Variants in SCHIP1 observed in about 807,000 individuals in gnomAD.
SCHIP1 encodes the protein schwannomin-interacting protein 1.
Under a neutral mutation model 29.7 loss-of-function variants are expected in SCHIP1, and 8 were observed. The ratio of observed to expected loss-of-function variants is 0.27; its 90% CI spans 0.16 to 0.49. SCHIP1 has a LOEUF of 0.49. Ranked by LOEUF, SCHIP1 falls within the 20% of genes least tolerant of loss-of-function variation. The pLI is 0.99. For missense variants in SCHIP1, 193 were observed against 294.6 expected (o/e 0.66, Z 2.52); for synonymous variants, 76 against 94.9 (o/e 0.80, Z 1.16).
chr3:159,667,532 G>A, the SCHIP1 span, among the ~76,000 whole-genome samples: 2 of 152,224 alleles, frequency 1.3e-5, no homozygotes, highest in Admixed American at 1.3e-4. Flanking sequence ...GGTGTGCATG[G>A]TGGGTGACAG....
the SCHIP1 span, among the ~76,000 whole-genome samples, chr3:159,280,033 G>T: frequency 1.3e-5 from 2 of 152,156 alleles, no homozygotes; most frequent in Non-Finnish European, 2.9e-5. Context: ...TCAGGGAAGG[G>T]AATTTCTTCT....
the SCHIP1 span, among the ~76,000 whole-genome samples, chr3:159,615,670 G>A: frequency 6.6e-5 from 10 of 152,268 alleles, no homozygotes; most frequent in Admixed American, 1.3e-4. Flanking sequence ...CAGATGGTGT[G>A]GGGGTGAAGA....
the SCHIP1 span, among the ~76,000 whole-genome samples, chr3:159,826,760 G>T: frequency 6.6e-6 from 1 of 152,128 alleles, no homozygotes; most frequent in Non-Finnish European, 1.5e-5. Flanking sequence ...TAATAAAAAA[G>T]CCCCAGCACT....
chr3:159,289,333 A>C, the SCHIP1 span, among the ~76,000 whole-genome samples: 1 of 152,180 alleles, frequency 6.6e-6, no homozygotes, highest in East Asian at 1.9e-4. Context: ...CCAAAGTCCT[A>C]TGTGATCTGG....
chr3:159,535,275 T>G, the SCHIP1 span, among the ~76,000 whole-genome samples: 1 of 152,196 alleles, frequency 6.6e-6, no homozygotes, highest in Admixed American at 6.5e-5. Context: ...TCTCATTTTC[T>G]CCACTCATTC....
the SCHIP1 span, among the ~76,000 whole-genome samples, chr3:159,713,281 AAAG>A: frequency 2.0e-5 from 3 of 147,862 alleles, no homozygotes; most frequent in Admixed American, 1.4e-4. Context: ...AGAAAGAAAG[AAAG>A]AAAAAAGAAA....
the SCHIP1 span, among the ~76,000 whole-genome samples, chr3:159,551,203 T>C: frequency 4.6e-5 from 7 of 152,214 alleles, no homozygotes; most frequent in African/African-American, 1.7e-4. Flanking sequence ...GAACACCTGG[T>C]ATCCCATCAG....
intron 1 of SCHIP1, among the ~76,000 whole-genome samples, chr3:159,848,977 C>G (rs1712209370): frequency 6.6e-6 from 1 of 151,944 alleles, no homozygotes; most frequent in South Asian, 2.1e-4. Flanking sequence ...TGAGAACTGC[C>G]CTCAACTGCT....
the SCHIP1 span, among the ~76,000 whole-genome samples, chr3:159,728,016 TA>T: frequency 1.3e-5 from 2 of 150,412 alleles, no homozygotes; most frequent in East Asian, 1.9e-4. Context: ...TTTTTTTTTT[TA>T]AAAAGGCAAT....
the SCHIP1 span, among the ~76,000 whole-genome samples, chr3:159,751,747 A>T: frequency 2.6e-5 from 4 of 151,860 alleles, no homozygotes; most frequent in Admixed American, 2.6e-4. Context: ...GGGGTTTCAC[A>T]GTGTTAGCCA....
the SCHIP1 span, among the ~76,000 whole-genome samples, chr3:159,597,142 A>G: frequency 2.0e-5 from 3 of 152,126 alleles, no homozygotes; most frequent in Non-Finnish European, 2.9e-5. Flanking sequence ...CATGCATACC[A>G]TATAAATTGA....
the SCHIP1 span, among the ~76,000 whole-genome samples, chr3:159,666,032 G>C: frequency 6.6e-6 from 1 of 152,142 alleles, no homozygotes; most frequent in African/African-American, 2.4e-5. Context: ...CCAGAGCAGA[G>C]AGGAATACGT....
At chr3:159,821,258 GAA>G in the SCHIP1 span, among the ~76,000 whole-genome samples, 37 of 152,176 alleles carry the variant, frequency 2.4e-4, no homozygotes, top group East Asian at 1.7e-3. Context: ...AGGGGAGAGA[GAA>G]ATTGTAGACA....
the SCHIP1 span, among the ~76,000 whole-genome samples, chr3:159,416,904 G>T: frequency 6.6e-6 from 1 of 152,176 alleles, no homozygotes; most frequent in Non-Finnish European, 1.5e-5. Flanking sequence ...TAGTTCTGTT[G>T]CTCCGTCAAG....
chr3:159,377,285 C>T, the SCHIP1 span, among the ~76,000 whole-genome samples: 872 of 152,262 alleles, frequency 5.7e-3, 28 homozygotes, highest in Admixed American at 0.054. Flanking sequence ...ACCAAGGAGC[C>T]CAGTGTCTGA....
intron 2 of SCHIP1, among the ~76,000 whole-genome samples, chr3:159,876,640 T>C (rs1242309417): frequency 6.6e-6 from 1 of 152,224 alleles, no homozygotes; most frequent in Non-Finnish European, 1.5e-5. Flanking sequence ...ATTTAAACGG[T>C]GACACATGCC....
the SCHIP1 span, among the ~76,000 whole-genome samples, chr3:159,408,468 A>G: frequency 1.3e-5 from 2 of 152,082 alleles, no homozygotes; most frequent in South Asian, 4.1e-4. Context: ...ATTTTTTAAA[A>G]TCAGTGATGA....
chr3:159,560,778 A>T, the SCHIP1 span, among the ~76,000 whole-genome samples: 1 of 151,444 alleles, frequency 6.6e-6, no homozygotes, highest in Admixed American at 6.6e-5. Context: ...AGCTGTGCTC[A>T]CAATACTGAG....
At chr3:159,289,000 C>T in the SCHIP1 span, among the ~76,000 whole-genome samples, 1 of 152,170 alleles carries the variant, frequency 6.6e-6, no homozygotes, top group African/African-American at 2.4e-5. Context: ...TTCTTTCCTC[C>T]CTTTCTTTAC....
Sources: allele counts gnomAD v4.1 joint callset (sites outside exome capture counted in the v4.1 genomes callset), GRCh38; gene constraint gnomAD v4.1.1; transcripts MANE v1.5; gene names NCBI Gene and HGNC (gene_info 2026-07-23, HGNC 2026-07-21).